ABCC1: variants seen among roughly 807,000 people sequenced by gnomAD.
ABCC1 encodes the protein multidrug resistance-associated protein 1.
ABCC1 carries 83 observed loss-of-function variants against 172.9 expected under a neutral mutation model. That is an observed-to-expected ratio of 0.48 (90% CI 0.40 to 0.58). The LOEUF (loss-of-function observed/expected upper bound fraction) is 0.58. ABCC1 is among the 20% of genes least tolerant of loss of function. The pLI is 0.00. For synonymous variants in ABCC1, 937 were observed against 825.2 expected (o/e 1.14, Z -2.32); for missense variants, 1,817 against 2,002.7 (o/e 0.91, Z 1.77).
intron 1 of ABCC1, among the ~76,000 whole-genome samples, chr16:15,989,034 A>G (rs557387413): frequency 7.0e-6 from 1 of 142,314 alleles, no homozygotes; most frequent in South Asian, 2.2e-4. Context: ...ATGACATTAC[A>G]CTCCAGCCGA....
Position 16,044,441 on chromosome 16 carries a change from G to C in ABCC1, c.810-9G>C, listed in dbSNP as rs761280346. The C allele has an allele frequency of 6.2e-7, 1 of 1,612,466 alleles. No individual in the cohort carries two copies. The highest frequency in any genetic ancestry group is 8.5e-7 in the Non-Finnish European group (1 of 1,178,706). On this transcript the variant is annotated splice_polypyrimidine_tract_variant and intron_variant, in intron 7 of 30. Transcript: ENST00000399410. ...GACCCCACAACGGCTTCACCTCCTT[G>C]TGTTCCAGGCAGCCGGTGAAGGTTG... is the stretch of plus-strand genomic sequence containing the variant.
At chr16:16,010,036 C>CA in intron 3 of ABCC1, 135 bp downstream of exon 3, 1 of 116,698 alleles carries the variant, frequency 8.6e-6, no homozygotes. Context: ...TTAAATGTAG[C>CA]CTTTTTTTTT....
chr16:16,028,200 CG>C (rs1306644798), intron 5 of ABCC1, among the ~76,000 whole-genome samples: 1 of 152,152 alleles, frequency 6.6e-6, no homozygotes, highest in African/African-American at 2.4e-5. Flanking sequence ...GGGGTGATAT[CG>C]GGCCTCAAAT....
intron 26 of ABCC1, 61 bp from the exon 27 acceptor site, chr16:16,131,728 A>T: frequency 6.3e-7 from 1 of 1,576,130 alleles, no homozygotes; most frequent in Non-Finnish European, 8.6e-7. Context: ...AGGTCAGGGG[A>T]GTCACAGCTT....
At chr16:15,988,448 C>T (rs1246314659) in intron 1 of ABCC1, among the ~76,000 whole-genome samples, 1 of 152,156 alleles carries the variant, frequency 6.6e-6, no homozygotes. Context: ...ACTGCAGTGT[C>T]CCCAGACATA....
chr16:16,001,069 A>G (rs2047289962), intron 1 of ABCC1, among the ~76,000 whole-genome samples: 1 of 152,188 alleles, frequency 6.6e-6, no homozygotes, highest in Non-Finnish European at 1.5e-5. Context: ...TTATCTGACA[A>G]CAAGCTTGGT....
At chr16:16,051,235 T>C (rs972989725) in intron 10 of ABCC1, among the ~76,000 whole-genome samples, 10 of 151,750 alleles carry the variant, frequency 6.6e-5, no homozygotes, top group African/African-American at 1.9e-4. Flanking sequence ...AGTGGTGCGA[T>C]CATAGCTCAC....
rs1431469415 is a variant in ABCC1 at position 16,142,428 on chromosome 16, T to C, written c.*1147T>C. The stretch of plus-strand genomic sequence containing the variant: ...AGAACACGAAATACCTCCCAAGTAT[T>C]ACCAGTGGGTACCAAAAAAATGTCC... On this transcript the variant is annotated 3_prime_UTR_variant, in exon 31 of 31. Transcript: ENST00000399410. 2 of 152,224 alleles carry C rather than the reference T, an allele frequency of 1.3e-5. No individual in the cohort carries two copies. Among genetic ancestry groups the C allele is most frequent in the African/African-American group, 4.8e-5 (2 of 41,460 alleles). 9.4% of individuals were successfully genotyped at this position (152,224 alleles called of 1,614,324 possible).
At position 16,007,955 on chromosome 16, in the gene ABCC1, G is replaced by A. The variant is rs945037085; in HGVS notation, c.188G>A (p.Gly63Asp). ...YFLYLSRHDR[G>D]YIQMTPLNKT... ...CTCTATCTCTCCCGACATGACCGAG[G>A]CTACATTCAGATGACACCTCTCAAC... The change falls in exon 2 of 31, where the codon GGC becomes GAC. Residue 63 changes from glycine (G) to aspartate (D), a missense_variant. Gly to Asp is a moderately conservative substitution (Grantham distance 94). Coordinates refer to ENST00000399410, the MANE Select transcript of ABCC1 (RefSeq NM_004996.4). 6.5e-7 allele frequency: 1 copy of A among 1,531,160 alleles called. No homozygotes were observed. The highest frequency in any genetic ancestry group is 1.4e-5 in the African/African-American group (1 of 71,168). The allele number at this position is 1,531,160 out of a possible 1,614,324, so 94.8% of individuals were successfully genotyped here. A position where few individuals can be genotyped will look rare whatever the true frequency, so the allele number is the denominator to read the frequency against.
chr16:16,079,508 T>C (rs771053009), intron 16 of ABCC1, 30 bp downstream of exon 16: 48 of 1,592,802 alleles, frequency 3.0e-5, no homozygotes, highest in Admixed American at 1.5e-4. Context: ...GGAGGGGCAG[T>C]GGGGAAGCTG....
At chr16:16,127,916 GTTTTT>G (rs371440132) in intron 26 of ABCC1, among the ~76,000 whole-genome samples, 1 of 128,366 alleles carries the variant, frequency 7.8e-6, no homozygotes, top group Admixed American at 8.0e-5. Flanking sequence ...ATTTCATTAG[GTTTTT>G]TTTTTTTTTT....
intron 1 of ABCC1, among the ~76,000 whole-genome samples, chr16:15,990,423 C>T (rs1401976809): frequency 6.6e-6 from 1 of 152,188 alleles, no homozygotes; most frequent in Non-Finnish European, 1.5e-5. Flanking sequence ...GTAGGACTGA[C>T]TGACTCATCT....
chr16:16,032,597 A>T (rs1173194634), intron 5 of ABCC1, among the ~76,000 whole-genome samples: 1 of 152,248 alleles, frequency 6.6e-6, no homozygotes, highest in South Asian at 2.1e-4. Flanking sequence ...ATATAAAATA[A>T]TGCAAGTATA....
chr16:16,061,513 G>C lies in ABCC1; in HGVS notation c.1677+5218G>C, dbSNP rs60695268. On this transcript the variant is annotated intron_variant, in intron 12 of 30. Transcript: ENST00000399410. ...TCCAGGCATTGCGAAGTGTCCCCTT[G>C]GGGGACAGAATTCTCCCAGTTGAGA... Among the ~76,000 whole-genome samples, 1,110 of 152,254 alleles carry C rather than the reference G, an allele frequency of 7.3e-3. 10 individuals carry two copies. Among genetic ancestry groups the C allele is most frequent in the African/African-American group, 0.025 (1,019 of 41,560 alleles).
At chr16:16,046,749 T>A (rs2049226976) in intron 9 of ABCC1, among the ~76,000 whole-genome samples, 1 of 150,188 alleles carries the variant, frequency 6.7e-6, no homozygotes, top group Non-Finnish European at 1.5e-5. Flanking sequence ...CTAAATTACC[T>A]TCTTGATCCC....
chr16:16,092,240 A>AAAAAC (rs554049770), intron 19 of ABCC1, among the ~76,000 whole-genome samples: 6 of 152,330 alleles, frequency 3.9e-5, no homozygotes, highest in Admixed American at 6.5e-5. Context: ...TTCGTCTCAG[A>AAAAAC]AAAACAAAAC....
Position 16,045,926 on chromosome 16 carries a change from G to A in ABCC1, c.1131G>A (p.Gln377=), listed in dbSNP as rs767715278. 5 of 1,614,064 alleles carry A rather than the reference G, an allele frequency of 3.1e-6. No individual in the cohort carries two copies. In the South Asian group the frequency reaches 5.5e-5, roughly 18 times the overall value. The change falls in exon 9 of 31, where the codon CAG becomes CAA. Residue 377 remains glutamine, a synonymous_variant. Coordinates refer to ENST00000399410, the MANE Select transcript of ABCC1 (RefSeq NM_004996.4). ...TGCTGTTTGTCACTGCCTGCCTGCA[G>A]ACCCTCGTGCTGCACCAGTACTTCC... ...TVLLFVTACL[Q]TLVLHQYFHI...
intron 3 of ABCC1, among the ~76,000 whole-genome samples, chr16:16,011,975 T>A (rs2047801776): frequency 6.6e-6 from 1 of 151,976 alleles, no homozygotes; most frequent in Non-Finnish European, 1.5e-5. Context: ...GGCCAGTTTG[T>A]TATTTTTGTA....
intron 23 of ABCC1, among the ~76,000 whole-genome samples, chr16:16,118,967 C>T (rs551757883): frequency 6.8e-6 from 1 of 147,690 alleles, no homozygotes; most frequent in South Asian, 2.2e-4. Flanking sequence ...AAACTGGAAA[C>T]AGCTCAAATG....
Sources: allele counts gnomAD v4.1 joint callset (sites outside exome capture counted in the v4.1 genomes callset), GRCh38; gene constraint gnomAD v4.1.1; transcripts MANE v1.5; gene names NCBI Gene and HGNC (gene_info 2026-07-23, HGNC 2026-07-21).